Variants in NOTCH2NLC observed in about 807,000 individuals in gnomAD.
NOTCH2NLC encodes notch homolog 2 N-terminal-like protein C.
A neutral mutation model predicts 17.7 loss-of-function variants in NOTCH2NLC; 4 were observed. The observed-to-expected ratio is 0.23, with a 90% CI of 0.11 to 0.52. The LOEUF (loss-of-function observed/expected upper bound fraction) is 0.52. Ranked by LOEUF, NOTCH2NLC falls within the 20% of genes least tolerant of loss-of-function variation. The probability of loss-of-function intolerance (pLI) is 0.96; values close to 1 mark genes in which losing one functional copy is unlikely to be tolerated. For missense variants in NOTCH2NLC, 57 were observed against 207.2 expected, an observed-to-expected ratio of 0.28 and a Z score of 4.45; for synonymous variants, 18 against 86.0, an observed-to-expected ratio of 0.21 and a Z score of 4.38.
chr1:149,460,538 C>A (rs1373428434), intron 3 of NOTCH2NLC, among the ~76,000 whole-genome samples: 4 of 149,314 alleles, frequency 2.7e-5, no homozygotes, highest in Non-Finnish European at 4.5e-5. Flanking sequence ...GGGCTTTCAC[C>A]TTGTTAGCCA....
chr1:149,454,663 T>C (rs1208759480), intron 2 of NOTCH2NLC, among the ~76,000 whole-genome samples: 4 of 151,404 alleles, frequency 2.6e-5, no homozygotes, highest in Non-Finnish European at 4.4e-5. Flanking sequence ...AACAGATTTT[T>C]AAATATCCCT....
intron 1 of NOTCH2NLC, among the ~76,000 whole-genome samples, chr1:149,395,984 C>A: frequency 1.3e-5 from 2 of 150,968 alleles, no homozygotes. Flanking sequence ...CTTCTCTGTA[C>A]TACAGAACTT....
At position 149,435,424 on chromosome 1, in the gene NOTCH2NLC, C is replaced by T. The variant is rs2084476294; in HGVS notation, c.209+4409C>T. 2.7e-5 allele frequency among the ~76,000 whole-genome samples: 4 copies of T among 146,828 alleles called. No homozygotes were observed. The South Asian group carries it at 9.0e-4, about 33-fold the overall frequency. On this transcript the variant is annotated intron_variant, in intron 2 of 4. Transcript: ENST00000650865. ...ATCTTATGGATGCTAGGTTTTAGGACACGTTAGGGTGGGCCTACTTCTGTT... is the reference window on the plus strand; with the variant it reads ...ATCTTATGGATGCTAGGTTTTAGGATACGTTAGGGTGGGCCTACTTCTGTT...
chr1:149,449,935 G>T (rs1365564198), intron 2 of NOTCH2NLC, among the ~76,000 whole-genome samples: 1 of 148,164 alleles, frequency 6.7e-6, no homozygotes, highest in Non-Finnish European at 1.5e-5. Flanking sequence ...TGTTTTCAAG[G>T]TTCATCCATG....
rs1163016481 is a variant in NOTCH2NLC, at chr1:149,416,041, T to C, written c.136-14901T>C. On this transcript the variant is annotated intron_variant, in intron 1 of 4. Coordinates refer to ENST00000650865, the MANE Select transcript of NOTCH2NLC (RefSeq NM_001364013.2). ...AACAGAGGAGTGATCTTTTTTAATA[T>C]GTCATTATTTTCTATAGTTCTTTAG... Among the ~76,000 whole-genome samples the C allele has an allele frequency of 2.0e-5, 3 of 148,438 alleles. 1 individual carries two copies. Among genetic ancestry groups the C allele is most frequent in the Admixed American group, 1.3e-4 (2 of 14,816 alleles).
chr1:149,420,106 G>A lies in NOTCH2NLC; in HGVS notation c.136-10836G>A, dbSNP rs1428491133. ...AGGATGGTGTCGATCTCCTGACCTCGTGATCCGCCCACCTCGGCCTCCCAA... is the reference window on the plus strand; with the variant it reads ...AGGATGGTGTCGATCTCCTGACCTCATGATCCGCCCACCTCGGCCTCCCAA... On this transcript the variant is annotated intron_variant, in intron 1 of 4. Coordinates refer to ENST00000650865, the MANE Select transcript of NOTCH2NLC (RefSeq NM_001364013.2). 2.9e-4 allele frequency among the ~76,000 whole-genome samples: 44 copies of A among 149,874 alleles called. 2 individuals are homozygous for A. Among genetic ancestry groups the A allele is most frequent in the African/African-American group, 8.3e-4 (34 of 40,934 alleles).
rs1570907657 is a variant in NOTCH2NLC, at chr1:149,422,515, A to G, written c.136-8427A>G. The stretch of plus-strand genomic sequence containing the variant: ...GAACATCTGTATCAGTGGGTCTCTG[A>G]CAGCTTCTTCAGGAAAATAATGCTT... On this transcript the variant is annotated intron_variant, in intron 1 of 4. Coordinates refer to ENST00000650865, the MANE Select transcript of NOTCH2NLC (RefSeq NM_001364013.2). Among the ~76,000 whole-genome samples the G allele has an allele frequency of 1.4e-5, 2 of 145,186 alleles. 1 individual carries two copies. Among genetic ancestry groups the G allele is most frequent in the East Asian group, 4.5e-4 (2 of 4,424 alleles).
chr1:149,441,040 CAG>C (rs1164898522), intron 2 of NOTCH2NLC, among the ~76,000 whole-genome samples: 4 of 150,644 alleles, frequency 2.7e-5, no homozygotes, highest in Admixed American at 2.0e-4. Flanking sequence ...TTCTACCAGA[CAG>C]AGAGGCGGTA....
chr1:149,430,091 C>T (rs1439288098), intron 1 of NOTCH2NLC, among the ~76,000 whole-genome samples: 1 of 148,948 alleles, frequency 6.7e-6, no homozygotes, highest in Non-Finnish European at 1.5e-5. Flanking sequence ...AGACTTCTTC[C>T]ATTCTTGGCT....
intron 1 of NOTCH2NLC, among the ~76,000 whole-genome samples, chr1:149,417,481 A>G (rs2084343011): frequency 6.6e-6 from 1 of 151,236 alleles, no homozygotes. Context: ...TAGGTAAAAG[A>G]CTTGTGCTCT....
At chr1:149,401,039 TC>T (rs1460577717) in intron 1 of NOTCH2NLC, among the ~76,000 whole-genome samples, 2 of 150,554 alleles carry the variant, frequency 1.3e-5, no homozygotes, top group Non-Finnish European at 3.0e-5. Context: ...ACCTGTTTCT[TC>T]CATTCCTCCG....
In NOTCH2NLC at chr1:149,471,629, A is replaced by T. The variant is rs2084720797; in HGVS notation, c.*7476A>T. 6.7e-6 allele frequency among the ~76,000 whole-genome samples: 1 copy of T among 149,880 alleles called. No individual in the cohort carries two copies. Among genetic ancestry groups the T allele is most frequent in the Non-Finnish European group, 1.5e-5 (1 of 67,244 alleles). ...TTGTCAGAGACTGCAAGAAGTGGGGAATTGGAGAGTGACTGCCCATAGGTA... is the reference window on the plus strand; with the variant it reads ...TTGTCAGAGACTGCAAGAAGTGGGGTATTGGAGAGTGACTGCCCATAGGTA... On this transcript the variant is annotated 3_prime_UTR_variant, in exon 5 of 5. Coordinates refer to ENST00000650865, the MANE Select transcript of NOTCH2NLC (RefSeq NM_001364013.2).
chr1:149,446,576 T>A (rs1216353083), intron 2 of NOTCH2NLC, among the ~76,000 whole-genome samples: 1 of 150,550 alleles, frequency 6.6e-6, no homozygotes, highest in East Asian at 2.0e-4. Flanking sequence ...GCTCTAGCAA[T>A]CTGCTCACCT....
intron 2 of NOTCH2NLC, among the ~76,000 whole-genome samples, chr1:149,443,575 C>T (rs1276186746): frequency 6.6e-6 from 1 of 150,848 alleles, no homozygotes; most frequent in Non-Finnish European, 1.5e-5. Context: ...CAGGAAATAA[C>T]ATTTAAGTTG....
At chr1:149,399,836 T>G (rs1476966919) in intron 1 of NOTCH2NLC, among the ~76,000 whole-genome samples, 1 of 147,220 alleles carries the variant, frequency 6.8e-6, no homozygotes, top group African/African-American at 2.5e-5. Flanking sequence ...AAAACAAACA[T>G]TGAAACAGTT....
At position 149,470,179 on chromosome 1, in the gene NOTCH2NLC, A is replaced by G. The variant is rs1194143711; in HGVS notation, c.*6026A>G. Among the ~76,000 whole-genome samples the G allele has an allele frequency of 3.3e-5, 5 of 151,278 alleles. No individual in the cohort carries two copies. The highest frequency in any genetic ancestry group is 2.1e-4 in the South Asian group (1 of 4,788). ...CCGTTTAATCTTGGTCAAGTCAGCCATGTGGCTCTCAACTTCCTCATCTGT... is the reference window on the plus strand; with the variant it reads ...CCGTTTAATCTTGGTCAAGTCAGCCGTGTGGCTCTCAACTTCCTCATCTGT... On this transcript the variant is annotated 3_prime_UTR_variant, in exon 5 of 5. Coordinates refer to ENST00000650865, the MANE Select transcript of NOTCH2NLC (RefSeq NM_001364013.2).
chr1:149,424,305 G>A (rs2084399013), intron 1 of NOTCH2NLC, among the ~76,000 whole-genome samples: 1 of 150,804 alleles, frequency 6.6e-6, no homozygotes, highest in South Asian at 2.1e-4. Context: ...TCTTTTTGGA[G>A]TGATTCCAAG....
intron 1 of NOTCH2NLC, among the ~76,000 whole-genome samples, chr1:149,395,457 T>A (rs1307043662): frequency 7.0e-6 from 1 of 143,438 alleles, no homozygotes; most frequent in East Asian, 2.1e-4. Flanking sequence ...GTGTGTGGGG[T>A]TTCTTTCTTT....
At chr1:149,417,259 G>A (rs1467149208) in intron 1 of NOTCH2NLC, among the ~76,000 whole-genome samples, 9 of 150,134 alleles carry the variant, frequency 6.0e-5, no homozygotes, top group African/African-American at 1.5e-4. Flanking sequence ...ACAGGTGCCC[G>A]CCACCACGCC....
Sources: allele counts gnomAD v4.1 joint callset (sites outside exome capture counted in the v4.1 genomes callset), GRCh38; gene constraint gnomAD v4.1.1; transcripts MANE v1.5; gene names NCBI Gene and HGNC (gene_info 2026-07-23, HGNC 2026-07-21).